The following HCK variants were observed in gnomAD, a reference collection of about 807,000 sequenced individuals.
HCK encodes HCK proto-oncogene, Src family tyrosine kinase, also known as tyrosine-protein kinase HCK.
A neutral mutation model predicts 70.4 loss-of-function variants in HCK; 40 were observed. The observed-to-expected ratio is 0.57, with a 90% CI of 0.44 to 0.74. The LOEUF (loss-of-function observed/expected upper bound fraction) is 0.74. Ranked by LOEUF, HCK falls within the 30% of genes least tolerant of loss-of-function variation. The pLI, the probability that HCK is intolerant of heterozygous loss-of-function variation, is 0.00. For missense variants in HCK, 568 were observed against 697.2 expected, an observed-to-expected ratio of 0.81 and a Z score of 2.09; for synonymous variants, 245 against 263.2, an observed-to-expected ratio of 0.93 and a Z score of 0.67.
At chr20:32,070,391 C>A (rs2045519394) in intron 1 of HCK, among the ~76,000 whole-genome samples, 1 of 152,184 alleles carries the variant, frequency 6.6e-6, no homozygotes, top group Admixed American at 6.5e-5. Flanking sequence ...TCACAACCAC[C>A]CTCTTCCCTG....
chr20:32,090,683 T>G (rs751055530), intron 10 of HCK, among the ~76,000 whole-genome samples: 2 of 152,146 alleles, frequency 1.3e-5, no homozygotes, highest in Admixed American at 1.3e-4. Flanking sequence ...CCCAACCTCA[T>G]GGCACCCTAT....
chr20:32,084,251 T>A, intron 7 of HCK, 140 bp from the exon 8 acceptor site: 2 of 1,096,802 alleles, frequency 1.8e-6, no homozygotes, highest in Non-Finnish European at 2.6e-6. Flanking sequence ...CACACTCTGC[T>A]TGCTTGGGAA....
chr20:32,075,513 T>C (rs2045609086), intron 5 of HCK, among the ~76,000 whole-genome samples: 5 of 152,134 alleles, frequency 3.3e-5, no homozygotes. Flanking sequence ...CATCCCTCAT[T>C]TGATTCATTC....
intron 5 of HCK, among the ~76,000 whole-genome samples, chr20:32,078,184 G>C (rs1459992462): frequency 1.3e-5 from 2 of 151,030 alleles, no homozygotes; most frequent in Non-Finnish European, 2.9e-5. Context: ...ACAGGCTCCT[G>C]CCACCATGCT....
intron 1 of HCK, among the ~76,000 whole-genome samples, chr20:32,059,181 T>C (rs1186795099): frequency 6.6e-6 from 1 of 152,160 alleles, no homozygotes; most frequent in East Asian, 1.9e-4. Flanking sequence ...TGAGGCCAAA[T>C]GCTGGCAGAG....
chr20:32,071,289 G>A lies in HCK; in HGVS notation c.63-373G>A, dbSNP rs569727884. Reference sequence around the variant, plus strand: ...GTGCTGGTGGGGTGGAGGGGCCAAGGATCAGCTGAGGCTTTCTGACCTGAG... The same window carrying A: ...GTGCTGGTGGGGTGGAGGGGCCAAGAATCAGCTGAGGCTTTCTGACCTGAG... On this transcript the variant is annotated intron_variant, in intron 1 of 12. Coordinates refer to ENST00000375852, the MANE Select transcript of HCK (RefSeq NM_002110.5). 3.9e-4 allele frequency among the ~76,000 whole-genome samples: 59 copies of A among 152,274 alleles called. 1 individual carries two copies. In the South Asian group the frequency reaches 6.2e-3, roughly 16 times the overall value.
In HCK at chr20:32,094,938, CA is replaced by C. The variant is rs879837644; in HGVS notation, c.1246+931del. On this transcript the variant is annotated intron_variant, in intron 11 of 12. Coordinates refer to ENST00000375852, the MANE Select transcript of HCK (RefSeq NM_002110.5). ...AATATCAAAATGAAAGAAATTAGAC[CA>C]AAAAAAAAGAGTAGATGCCACTTGG... Among the ~76,000 whole-genome samples, 1,100 of 148,412 alleles carry C rather than the reference CA, an allele frequency of 7.4e-3. 35 individuals carry two copies. The highest frequency in any genetic ancestry group is 0.054 in the Admixed American group (813 of 14,932).
rs141677926 is a variant in HCK at position 32,084,544 on chromosome 20, G to A, written c.835+1G>A. 1 of 1,612,840 alleles carries A rather than the reference G, an allele frequency of 6.2e-7. No homozygotes were observed. Among genetic ancestry groups the A allele is most frequent in the Non-Finnish European group, 8.5e-7 (1 of 1,179,306 alleles). ...GGGCAGTTTGGGGAAGTCTGGATGG[G>A]TAAGGACCCAGGGCCACAGCCCACA... On this transcript the variant is annotated splice_donor_variant, in intron 8 of 12. Coordinates refer to ENST00000375852, the MANE Select transcript of HCK (RefSeq NM_002110.5). LOFTEE classifies it high-confidence loss of function.
intron 6 of HCK, among the ~76,000 whole-genome samples, chr20:32,081,185 C>T (rs986250432): frequency 2.0e-5 from 3 of 152,174 alleles, no homozygotes; most frequent in African/African-American, 7.2e-5. Flanking sequence ...AGGATGAGGT[C>T]GCCAGAAGAG....
chr20:32,085,250 C>T (rs1231863975), intron 8 of HCK, among the ~76,000 whole-genome samples: 10 of 152,326 alleles, frequency 6.6e-5, no homozygotes, highest in South Asian at 6.2e-4. Flanking sequence ...CAGTGGCTCA[C>T]GCCTGTAATC....
chr20:32,101,289 C>A (rs76379542), intron 12 of HCK, 28 bp from the exon 13 acceptor site: 2 of 1,607,176 alleles, frequency 1.2e-6, no homozygotes, highest in East Asian at 2.2e-5. Flanking sequence ...CAACTGCTTC[C>A]GTTTCTAATT....
At chr20:32,074,098 C>A (rs1422168787) in intron 4 of HCK, among the ~76,000 whole-genome samples, 3 of 152,194 alleles carry the variant, frequency 2.0e-5, no homozygotes, top group Non-Finnish European at 4.4e-5. Context: ...CCGGCTTTAC[C>A]TGTGGACCAG....
intron 10 of HCK, among the ~76,000 whole-genome samples, chr20:32,091,450 C>T (rs181700206): frequency 6.6e-6 from 1 of 152,296 alleles, no homozygotes; most frequent in East Asian, 1.9e-4. Context: ...GTGCCTCCTC[C>T]AAAGCACATG....
intron 4 of HCK, 29 bp from the exon 5 acceptor site, chr20:32,074,594 T>C: frequency 6.6e-7 from 1 of 1,522,792 alleles, no homozygotes; most frequent in Non-Finnish European, 9.1e-7. Context: ...CTTCTGTCCC[T>C]AACACCTTTA....
chr20:32,080,932 T>G (rs2045701545), intron 6 of HCK, among the ~76,000 whole-genome samples: 1 of 151,286 alleles, frequency 6.6e-6, no homozygotes, highest in Non-Finnish European at 1.5e-5. Flanking sequence ...TATGAAAAAT[T>G]TTAAAAATTA....
chr20:32,052,318 C>A lies in HCK; in HGVS notation c.-107C>A. Reference sequence around the variant, plus strand: ...GGGAAGGGACTCAGACAGTGCAGGACGAGAAACGCCCGCGGCACCAAAGCC... The same window carrying A: ...GGGAAGGGACTCAGACAGTGCAGGAAGAGAAACGCCCGCGGCACCAAAGCC... On this transcript the variant is annotated 5_prime_UTR_variant, in exon 1 of 13. Transcript: ENST00000375852. 1 of 776,596 alleles carries A rather than the reference C, an allele frequency of 1.3e-6. No individual in the cohort carries two copies. Among genetic ancestry groups the A allele is most frequent in the Non-Finnish European group, 1.8e-6 (1 of 552,444 alleles). The allele number at this position is 776,596 out of a possible 1,614,324, so 48.1% of individuals were successfully genotyped here. A position where few individuals can be genotyped will look rare whatever the true frequency, so the allele number is the denominator to read the frequency against.
chr20:32,075,810 G>T lies in HCK; in HGVS notation c.428+1089G>T, dbSNP rs532485678. On this transcript the variant is annotated intron_variant, in intron 5 of 12. Transcript: ENST00000375852. ...ATGACTTAGATGGGGCTCCCTGCTG[G>T]AGATGTTCTCTGTATGGTGGATGAG... 7.9e-5 allele frequency among the ~76,000 whole-genome samples: 12 copies of T among 152,262 alleles called. No homozygotes were observed. The South Asian group carries it at 2.3e-3, about 29-fold the overall frequency.
chr20:32,086,575 T>C (rs889416252), intron 8 of HCK, 53 bp from the exon 9 acceptor site: 1 of 1,485,194 alleles, frequency 6.7e-7, no homozygotes, highest in Admixed American at 2.1e-5. Context: ...TCTAGGGTGG[T>C]ACGGGAGACC....
chr20:32,085,728 G>T (rs2045775777), intron 8 of HCK, among the ~76,000 whole-genome samples: 1 of 152,124 alleles, frequency 6.6e-6, no homozygotes, highest in South Asian at 2.1e-4. Context: ...CCCACCAAAT[G>T]AAGCAGGGTG....
Sources: gnomAD v4.1 joint callset for allele counts (sites outside exome capture counted in the v4.1 genomes callset) on GRCh38, gnomAD v4.1.1 for gene constraint, MANE v1.5 for transcripts, NCBI Gene and HGNC (gene_info 2026-07-23, HGNC 2026-07-21) for gene names.